The following CATSPER2 variants were observed in gnomAD, a reference collection of about 807,000 sequenced individuals.
CATSPER2 encodes cation channel sperm-associated protein 2.
A neutral mutation model predicts 68.8 loss-of-function variants in CATSPER2; 56 were observed. The ratio of observed to expected loss-of-function variants is 0.81; its 90% CI spans 0.66 to 1.02. CATSPER2 has a LOEUF of 1.02. Among genes scored for constraint, CATSPER2 ranks in the 50% least tolerant of loss-of-function variants. CATSPER2 has a pLI of 0.00. For missense variants in CATSPER2, 582 were observed against 642.0 expected, an observed-to-expected ratio of 0.91 and a Z score of 1.01; for synonymous variants, 198 against 229.9, an observed-to-expected ratio of 0.86 and a Z score of 1.26.
At chr15:43,639,950 T>G in intron 5 of CATSPER2, 152 bp from the exon 6 acceptor site, 1 of 1,533,102 alleles carries the variant, frequency 6.5e-7, no homozygotes, top group Non-Finnish European at 8.8e-7. Context: ...CTTTCTATAT[T>G]AAGTTGCTTA....
intron 6 of CATSPER2, among the ~76,000 whole-genome samples, chr15:43,639,258 T>A (rs1195092051): frequency 6.6e-6 from 1 of 151,400 alleles, no homozygotes; most frequent in Admixed American, 6.6e-5. Context: ...TATTTTTTTT[T>A]TTTTTAGACG....
In CATSPER2 at chr15:43,639,697, A is replaced by G; in HGVS notation, c.663T>C (p.Leu221=). ...TAATTTGAATTTGACGGAATTGTGC[A>G]AGGAGTTTGAGAGACCTCAGCACCC... ...ICRVLRSLKL[L]AQFRQIQIII... Residue 221 remains leucine (L), a synonymous_variant, in exon 6 of 13, where the codon CTT becomes CTC. Transcript: ENST00000396879. 1 of 1,613,258 alleles carries G rather than the reference A, an allele frequency of 6.2e-7. No individual in the cohort carries two copies. The highest frequency in any genetic ancestry group is 2.2e-5 in the East Asian group (1 of 44,854).
intron 4 of CATSPER2, among the ~76,000 whole-genome samples, chr15:43,644,593 C>T (rs1217188296): frequency 2.6e-5 from 4 of 151,898 alleles, no homozygotes; most frequent in Non-Finnish European, 5.9e-5. Flanking sequence ...TGAGCATTAC[C>T]GCCTGAGCTC....
In CATSPER2 at chr15:43,640,461, A is replaced by G. The variant is rs966427638; in HGVS notation, c.424T>C (p.Leu142=). Residue 142 remains leucine, a synonymous_variant, in exon 5 of 13, where the codon TTG becomes CTG. Transcript: ENST00000396879. ...GCTGCCACCTCCAAGGTCAGCTTCA[A>G]TGGCCATAGTTTGGTATTTGTGGAT... ...LESTNTKLWP[L]KLTLEVAAWF... is the part of the protein sequence containing the mutation. 6.2e-6 allele frequency: 10 copies of G among 1,613,302 alleles called. No individual in the cohort carries two copies. The African/African-American group carries it at 1.1e-4, about 17-fold the overall frequency.
chr15:43,635,279 T>G, intron 10 of CATSPER2, 81 bp downstream of exon 10: 1 of 1,274,548 alleles, frequency 7.8e-7, no homozygotes, highest in Admixed American at 1.7e-5. Flanking sequence ...GAATTATCTC[T>G]CAAAGCCAAT....
rs1308972415 is a variant in CATSPER2 at position 43,632,870 on chromosome 15, T to C, written c.1243A>G (p.Asn415Asp). The change falls in exon 11 of 13, where the codon AAT becomes GAT. Residue 415 changes from asparagine (N) to aspartate (D), a missense_variant. By Grantham distance (23) the Asn-to-Asp change is conservative (BLOSUM62 1). Transcript: ENST00000396879. The part of the protein sequence containing the change: ...DLSEVSEVES[N>D]YGATEEDLIT... ...AAATCCTCTTCAGTGGCACCATAAT[T>C]AGACTCTACTTCAGACACTTCTGAT... 6.2e-7 allele frequency: 1 copy of C among 1,611,660 alleles called. No individual in the cohort carries two copies. Among genetic ancestry groups the C allele is most frequent in the Non-Finnish European group, 8.5e-7 (1 of 1,178,168 alleles).
intron 4 of CATSPER2, among the ~76,000 whole-genome samples, chr15:43,641,134 GA>G (rs1249966588): frequency 8.8e-6 from 1 of 114,074 alleles, no homozygotes; most frequent in Non-Finnish European, 1.7e-5. Context: ...TTTTTTTTTT[GA>G]GATGGAGTTT....
At chr15:43,639,502 T>C (rs1324536062) in intron 6 of CATSPER2, 141 bp downstream of exon 6, 6 of 1,366,858 alleles carry the variant, frequency 4.4e-6, no homozygotes, top group East Asian at 5.6e-5. Context: ...CCTGACCTCA[T>C]GACCCATCCC....
intron 4 of CATSPER2, among the ~76,000 whole-genome samples, chr15:43,644,323 C>T (rs190739193): frequency 7.2e-5 from 11 of 152,056 alleles, no homozygotes; most frequent in Admixed American, 1.3e-4. Context: ...CCCTTTCTAC[C>T]ACAAGAATAA....
intron 11 of CATSPER2, 109 bp downstream of exon 11, chr15:43,632,608 A>G (rs1595970493): frequency 6.3e-7 from 1 of 1,589,284 alleles, no homozygotes; most frequent in Admixed American, 1.8e-5. Flanking sequence ...TTAAGACCAG[A>G]AAATTGGAAA....
chr15:43,635,344 C>G lies in CATSPER2; in HGVS notation c.1178+16G>C, dbSNP rs546260371. The stretch of plus-strand genomic sequence containing the variant: ...CTTCATGTGTTTCTATCCCAGTTCA[C>G]ATACATACTCCTAACCTGTCCTCTA... On this transcript the variant is annotated intron_variant, in intron 10 of 12. Transcript: ENST00000396879. The G allele has an allele frequency of 3.7e-6, 6 of 1,602,700 alleles. No individual in the cohort carries two copies. In the East Asian group the frequency reaches 1.3e-4, roughly 36 times the overall value.
chr15:43,645,794 A>G (rs1334410094), intron 4 of CATSPER2, among the ~76,000 whole-genome samples: 1 of 151,922 alleles, frequency 6.6e-6, no homozygotes. Context: ...CTCTGTCTCT[A>G]AAACATAAAG....
chr15:43,635,675 G>C lies in CATSPER2; in HGVS notation c.1121+52C>G, dbSNP rs143270226. The stretch of plus-strand genomic sequence containing the variant: ...GTCGAGAAGTAGAAACAAGAAATGA[G>C]CTCAGGAAACCCTTGAGAAGGAAAG... On this transcript the variant is annotated intron_variant, in intron 9 of 12. Coordinates refer to ENST00000396879, the MANE Select transcript of CATSPER2 (RefSeq NM_172095.4). 6.5e-5 allele frequency: 99 copies of C among 1,522,928 alleles called. No individual in the cohort carries two copies. In the East Asian group the frequency reaches 1.1e-3, roughly 17 times the overall value. The allele number at this position is 1,522,928 out of a possible 1,614,324, so 94.3% of individuals were successfully genotyped here.
At chr15:43,644,680 C>T (rs1393200574) in intron 4 of CATSPER2, among the ~76,000 whole-genome samples, 1 of 151,886 alleles carries the variant, frequency 6.6e-6, no homozygotes, top group Non-Finnish European at 1.5e-5. Flanking sequence ...TGTGCGTGAC[C>T]CTTAGGAGAA....
intron 6 of CATSPER2, among the ~76,000 whole-genome samples, 160 bp from the exon 7 acceptor site, chr15:43,639,188 C>T (rs982367656): frequency 6.6e-5 from 10 of 151,688 alleles, no homozygotes; most frequent in Admixed American, 1.3e-4. Flanking sequence ...CCCTTCTCAT[C>T]CAATAACATT....
At chr15:43,630,845 A>G in intron 12 of CATSPER2, 113 bp from the exon 13 acceptor site, 1 of 1,597,408 alleles carries the variant, frequency 6.3e-7, no homozygotes, top group Non-Finnish European at 8.5e-7. Context: ...GTCTTTACTA[A>G]TCTTTAAATT....
chr15:43,642,177 G>A (rs1377706845), intron 4 of CATSPER2, among the ~76,000 whole-genome samples: 2 of 150,806 alleles, frequency 1.3e-5, no homozygotes, highest in African/African-American at 4.9e-5. Flanking sequence ...TCAGCTCACT[G>A]CAACCTCCGC....
In CATSPER2 at chr15:43,647,993, G is replaced by C. The variant is rs776100141; in HGVS notation, c.69C>G (p.Ile23Met). Residue 23 changes from isoleucine to methionine, a missense_variant, in exon 2 of 13, where the codon ATC becomes ATG. Coordinates refer to ENST00000396879, the MANE Select transcript of CATSPER2 (RefSeq NM_172095.4). Reference protein sequence around the residue: ...PRADAIRSRLIDTFSLIEHLQ... With the variant: ...PRADAIRSRLMDTFSLIEHLQ... ...AATGCTCAATGAGAGAGAAAGTATC[G>C]ATGAGACGTGAACGAATGGCATCAG... 1.1e-5 allele frequency: 17 copies of C among 1,613,468 alleles called. No individual in the cohort carries two copies. The Admixed American group carries it at 1.5e-4, about 14-fold the overall frequency.
intron 12 of CATSPER2, among the ~76,000 whole-genome samples, chr15:43,631,266 C>A (rs568011309): frequency 2.2e-4 from 34 of 152,126 alleles, no homozygotes; most frequent in Admixed American, 2.0e-3. Flanking sequence ...GAGCCTCATT[C>A]TTTTGCCAGG....
Sources: gnomAD v4.1 joint callset for allele counts (sites outside exome capture counted in the v4.1 genomes callset) on GRCh38, gnomAD v4.1.1 for gene constraint, MANE v1.5 for transcripts, NCBI Gene and HGNC (gene_info 2026-07-23, HGNC 2026-07-21) for gene names.